Variants in LRRC2 observed in about 807,000 individuals in gnomAD.
The protein encoded by LRRC2 is leucine-rich repeat-containing protein 2.
In LRRC2, 27 loss-of-function variants were observed where a neutral mutation model predicts 40.2. The observed-to-expected ratio is 0.67, with a 90% CI of 0.49 to 0.93. The LOEUF is 0.93. LRRC2 is among the 40% of genes least tolerant of loss of function. The pLI is 0.00. For missense variants in LRRC2, 402 were observed against 439.6 expected (o/e 0.91, Z 0.76); for synonymous variants, 147 against 158.9 (o/e 0.92, Z 0.56).
At chr3:46,519,328 C>T (rs948451642) in intron 8 of LRRC2, among the ~76,000 whole-genome samples, 3 of 152,200 alleles carry the variant, frequency 2.0e-5, no homozygotes, top group Non-Finnish European at 4.4e-5. Context: ...AGCCAACTCA[C>T]AGCTACATCA....
rs540636850 is a variant in LRRC2 at position 46,544,711 on chromosome 3, T to G, written c.333+335A>C. On this transcript the variant is annotated intron_variant, in intron 3 of 8. Transcript: ENST00000395905. The stretch of plus-strand genomic sequence containing the variant: ...CTTCGGCAAGTAAGTAATTGCCCAC[T>G]GCCAGGGCGTTAGTTGAATGAAAGG... Among the ~76,000 whole-genome samples the G allele has an allele frequency of 1.2e-4, 19 of 152,352 alleles. 1 individual carries two copies. The South Asian group carries it at 3.7e-3, about 30-fold the overall frequency.
In LRRC2 at chr3:46,565,852, T is replaced by C. The variant is rs554852992; in HGVS notation, c.-20+325A>G. The stretch of plus-strand genomic sequence containing the variant: ...GGACCAGAAAGCTTTGGGCTCAGCC[T>C]TGGGCGCCGGAGCAGTACGCGCAGG... On this transcript the variant is annotated intron_variant, in intron 1 of 8. Transcript: ENST00000395905. 2.0e-5 allele frequency among the ~76,000 whole-genome samples: 3 copies of C among 152,306 alleles called. No individual in the cohort carries two copies. The South Asian group carries it at 6.2e-4, about 32-fold the overall frequency.
rs1346414676 is a variant in LRRC2 at position 46,551,504 on chromosome 3, T to G, written c.88A>C (p.Lys30Gln). 9.3e-6 allele frequency: 15 copies of G among 1,614,084 alleles called. No homozygotes were observed. The highest frequency in any genetic ancestry group is 1.3e-5 in the Non-Finnish European group (15 of 1,179,978). ...RVKKHKAWQK[K>Q]EVERLEKSAL... ...CTCTTCTCAAGCCTTTCCACCTCCT[T>G]CTTCTGCCAAGCTTTGTGCTTCTTG... The change falls in exon 2 of 9, where the codon AAG becomes CAG. Residue 30 changes from lysine (K) to glutamine (Q), a missense_variant. By Grantham distance (53) the Lys-to-Gln change is moderately conservative (BLOSUM62 1). Coordinates refer to ENST00000395905, the MANE Select transcript of LRRC2 (RefSeq NM_024512.5).
At chr3:46,544,539 A>C (rs1704483134) in intron 3 of LRRC2, among the ~76,000 whole-genome samples, 1 of 152,196 alleles carries the variant, frequency 6.6e-6, no homozygotes, top group Non-Finnish European at 1.5e-5. Flanking sequence ...GTCCCAGGGA[A>C]CCCTGTCCCG....
intron 4 of LRRC2, among the ~76,000 whole-genome samples, chr3:46,534,627 T>C (rs1464921003): frequency 6.6e-6 from 1 of 152,150 alleles, no homozygotes. Flanking sequence ...TTAGCTATTT[T>C]AAATCCATAT....
At chr3:46,527,929 A>G (rs1265254750) in intron 6 of LRRC2, among the ~76,000 whole-genome samples, 4 of 152,104 alleles carry the variant, frequency 2.6e-5, no homozygotes, top group Admixed American at 6.5e-5. Context: ...GGGTCTTGCC[A>G]TAGTGCCCAG....
intron 6 of LRRC2, among the ~76,000 whole-genome samples, chr3:46,528,046 A>T (rs1184175839): frequency 6.6e-6 from 1 of 152,190 alleles, no homozygotes; most frequent in Non-Finnish European, 1.5e-5. Flanking sequence ...TAAGTAACTA[A>T]AGTCATGCCA....
chr3:46,523,854 T>C (rs1704008991), intron 7 of LRRC2, among the ~76,000 whole-genome samples: 1 of 152,174 alleles, frequency 6.6e-6, no homozygotes, highest in African/African-American at 2.4e-5. Flanking sequence ...CACACATCTA[T>C]CCACCCATCT....
chr3:46,538,096 C>T (rs1253231313), intron 4 of LRRC2, among the ~76,000 whole-genome samples: 1 of 152,162 alleles, frequency 6.6e-6, no homozygotes, highest in Non-Finnish European at 1.5e-5. Context: ...GCCAGCAAGA[C>T]ATGTATGAAC....
rs34924380 is a variant in LRRC2 at position 46,516,664 on chromosome 3, C to G, written c.*2350G>C. ...TTTCCTCTGCAGGTCTGAACCCCAG[C>G]CTGGGCCTTGAACATTCCTAGGCAC... On this transcript the variant is annotated 3_prime_UTR_variant, in exon 9 of 9. Coordinates refer to ENST00000395905, the MANE Select transcript of LRRC2 (RefSeq NM_024512.5). 0.13 allele frequency: 20,394 copies of G among 152,252 alleles called. 1,414 individuals carry two copies. The highest frequency in any genetic ancestry group is 0.15 in the African/African-American group (6,218 of 41,514). The allele number at this position is 152,252 out of a possible 1,614,324, so 9.4% of individuals were successfully genotyped here.
At chr3:46,563,726 G>C (rs952436076) in intron 1 of LRRC2, among the ~76,000 whole-genome samples, 2 of 152,186 alleles carry the variant, frequency 1.3e-5, no homozygotes, top group African/African-American at 4.8e-5. Flanking sequence ...ACAGTTTACT[G>C]ACAGGAGCAG....
At chr3:46,547,850 T>C (rs988241074) in intron 2 of LRRC2, among the ~76,000 whole-genome samples, 1 of 150,828 alleles carries the variant, frequency 6.6e-6, no homozygotes, top group Non-Finnish European at 1.5e-5. Context: ...AGCTTTTCTG[T>C]GTGATTTAGT....
At chr3:46,540,299 T>C (rs1170338340) in intron 3 of LRRC2, among the ~76,000 whole-genome samples, 2 of 151,904 alleles carry the variant, frequency 1.3e-5, no homozygotes, top group Non-Finnish European at 2.9e-5. Flanking sequence ...CCAAGGCGGG[T>C]GAATCACCTG....
Position 46,516,813 on chromosome 3 carries a change from C to T in LRRC2, c.*2201G>A, listed in dbSNP as rs1339736378. 6.6e-6 allele frequency: 1 copy of T among 152,320 alleles called. No individual in the cohort carries two copies. The highest frequency in any genetic ancestry group is 2.4e-5 in the African/African-American group (1 of 41,460). The allele number at this position is 152,320 out of a possible 1,614,324, so 9.4% of individuals were successfully genotyped here. ...CTTCATGTGAACTCCATCCCCCAAC[C>T]CCCTCGCTGGGGACATGCCCAGGTA... On this transcript the variant is annotated 3_prime_UTR_variant, in exon 9 of 9. Coordinates refer to ENST00000395905, the MANE Select transcript of LRRC2 (RefSeq NM_024512.5).
intron 1 of LRRC2, chr3:46,558,825 C>T (rs1448744001): frequency 6.6e-6 from 1 of 152,182 alleles, no homozygotes; most frequent in African/African-American, 2.4e-5. Context: ...GCTATAGCTC[C>T]TCCAATCAGA....
intron 1 of LRRC2, among the ~76,000 whole-genome samples, chr3:46,564,647 A>T (rs1705019812): frequency 2.6e-5 from 4 of 152,136 alleles, no homozygotes; most frequent in Admixed American, 2.6e-4. Flanking sequence ...GGGGGACAGG[A>T]GCAAGGGATG....
At chr3:46,560,294 A>T (rs1476630670) in intron 1 of LRRC2, among the ~76,000 whole-genome samples, 1 of 152,254 alleles carries the variant, frequency 6.6e-6, no homozygotes, top group Non-Finnish European at 1.5e-5. Flanking sequence ...GTTGTCAGGG[A>T]CAGACACAGG....
chr3:46,554,486 A>C (rs1410410160), intron 1 of LRRC2, among the ~76,000 whole-genome samples: 1 of 152,032 alleles, frequency 6.6e-6, no homozygotes, highest in South Asian at 2.1e-4. Context: ...TCTACTAAAA[A>C]TTACAAAAAT....
chr3:46,527,243 C>T lies in LRRC2; in HGVS notation c.929+183G>A, dbSNP rs376187391. 5.3e-4 allele frequency among the ~76,000 whole-genome samples: 81 copies of T among 152,294 alleles called. 1 individual carries two copies. The highest frequency in any genetic ancestry group is 1.1e-3 in the African/African-American group (47 of 41,562). ...TCCTCTGAACCCTATGCCTCTTCCT[C>T]GTGTCATATGCCACAAACTCCAAAA... On this transcript the variant is annotated intron_variant, in intron 7 of 8. Transcript: ENST00000395905.
Sources: allele counts gnomAD v4.1 joint callset (sites outside exome capture counted in the v4.1 genomes callset), GRCh38; gene constraint gnomAD v4.1.1; transcripts MANE v1.5; gene names NCBI Gene and HGNC (gene_info 2026-07-23, HGNC 2026-07-21).